The following RAB11FIP4 variants were observed in gnomAD, a reference collection of about 807,000 sequenced individuals.
The protein encoded by RAB11FIP4 is RAB11 family interacting protein 4, also known as rab11 family-interacting protein 4.
In RAB11FIP4, 23 loss-of-function variants were observed where a neutral mutation model predicts 74.3. That is an observed-to-expected ratio of 0.31 (90% CI 0.22 to 0.44). RAB11FIP4 has a LOEUF of 0.44. Among genes scored for constraint, RAB11FIP4 ranks in the 20% least tolerant of loss-of-function variants. The pLI is 1.00. For missense variants in RAB11FIP4, 630 were observed against 863.9 expected (o/e 0.73, Z 3.39); for synonymous variants, 360 against 359.9 (o/e 1.00, Z 0.00).
At chr17:31,424,298 G>A (rs1459318058) in intron 1 of RAB11FIP4, among the ~76,000 whole-genome samples, 3 of 152,270 alleles carry the variant, frequency 2.0e-5, no homozygotes, top group South Asian at 2.1e-4. Context: ...AGACTGTAGT[G>A]TGCTTACTCC....
intron 3 of RAB11FIP4, among the ~76,000 whole-genome samples, chr17:31,498,561 G>A (rs116091224): frequency 0.028 from 4,257 of 152,302 alleles, 179 homozygotes; most frequent in African/African-American, 0.098. Context: ...GGCGGGTCAC[G>A]TGGAGCCTTG....
At chr17:31,400,148 G>A (rs954876035) in intron 1 of RAB11FIP4, among the ~76,000 whole-genome samples, 1 of 152,138 alleles carries the variant, frequency 6.6e-6, no homozygotes, top group Non-Finnish European at 1.5e-5. Context: ...ACCTGGGCTC[G>A]CATTCTGATA....
chr17:31,499,158 C>T (rs1328290252), intron 3 of RAB11FIP4, among the ~76,000 whole-genome samples: 1 of 152,084 alleles, frequency 6.6e-6, no homozygotes, highest in African/African-American at 2.4e-5. Flanking sequence ...CTGGAGCTTC[C>T]GGTAGGCATT....
intron 3 of RAB11FIP4, among the ~76,000 whole-genome samples, chr17:31,511,582 G>T (rs2072453027): frequency 6.6e-6 from 1 of 152,366 alleles, no homozygotes; most frequent in Non-Finnish European, 1.5e-5. Flanking sequence ...TAGGGTCCTT[G>T]CTCTCACAGG....
chr17:31,448,190 C>T (rs2071487373), intron 3 of RAB11FIP4, among the ~76,000 whole-genome samples: 1 of 152,182 alleles, frequency 6.6e-6, no homozygotes, highest in Admixed American at 6.5e-5. Flanking sequence ...TGTCCATCTT[C>T]TGCTGTGGGG....
At chr17:31,404,199 C>T (rs2071022131) in intron 1 of RAB11FIP4, among the ~76,000 whole-genome samples, 1 of 152,236 alleles carries the variant, frequency 6.6e-6, no homozygotes, top group African/African-American at 2.4e-5. Flanking sequence ...GCCCCGCCAG[C>T]CCGTGGACCA....
At chr17:31,496,427 AATGAGGG>A (rs1567676675) in intron 3 of RAB11FIP4, among the ~76,000 whole-genome samples, 1 of 152,146 alleles carries the variant, frequency 6.6e-6, no homozygotes, top group Non-Finnish European at 1.5e-5. Flanking sequence ...TAAGAGGGAA[AATGAGGG>A]CTGGGAGTGG....
intron 3 of RAB11FIP4, among the ~76,000 whole-genome samples, chr17:31,439,830 G>T (rs1163315584): frequency 6.6e-6 from 1 of 152,068 alleles, no homozygotes; most frequent in Non-Finnish European, 1.5e-5. Flanking sequence ...TAGAGACAGG[G>T]TTTTGCATGT....
At chr17:31,506,736 A>T (rs114290776) in intron 3 of RAB11FIP4, among the ~76,000 whole-genome samples, 4,755 of 152,264 alleles carry the variant, frequency 0.031, 230 homozygotes, top group African/African-American at 0.11. Context: ...ATGGCTGAAT[A>T]CTATTCCATT....
intron 3 of RAB11FIP4, among the ~76,000 whole-genome samples, chr17:31,517,195 GGGGGGGGCGGT>G (rs2072570991): frequency 1.6e-5 from 1 of 62,064 alleles, no homozygotes; most frequent in Non-Finnish European, 3.1e-5. Flanking sequence ...GCGGTGCGGG[GGGGGGGGCGGT>G]GGGGGGGGCG....
chr17:31,425,307 G>A (rs776025145), intron 1 of RAB11FIP4, among the ~76,000 whole-genome samples: 2 of 152,254 alleles, frequency 1.3e-5, no homozygotes, highest in African/African-American at 2.4e-5. Flanking sequence ...AGTAATGGCT[G>A]ACGTTTATTA....
At chr17:31,397,209 A>T (rs989019510) in intron 1 of RAB11FIP4, among the ~76,000 whole-genome samples, 21 of 152,184 alleles carry the variant, frequency 1.4e-4, no homozygotes, top group African/African-American at 5.1e-4. Context: ...GTGAAGGGGA[A>T]GGTAGGGCCA....
At chr17:31,491,201 G>A (rs7209296) in intron 3 of RAB11FIP4, among the ~76,000 whole-genome samples, 24,197 of 152,238 alleles carry the variant, frequency 0.16, 2,097 homozygotes, top group South Asian at 0.29. Flanking sequence ...TCCCTCACCA[G>A]GAGGCGTTTC....
At chr17:31,510,447 C>G (rs2072431624) in intron 3 of RAB11FIP4, among the ~76,000 whole-genome samples, 1 of 152,250 alleles carries the variant, frequency 6.6e-6, no homozygotes, top group African/African-American at 2.4e-5. Flanking sequence ...TGTGCCCGCC[C>G]AAGCTATTTT....
At chr17:31,415,956 A>G (rs566178321) in intron 1 of RAB11FIP4, among the ~76,000 whole-genome samples, 7 of 152,210 alleles carry the variant, frequency 4.6e-5, no homozygotes, top group Admixed American at 3.9e-4. Context: ...TCCTTGACTC[A>G]TAGTCTGATC....
chr17:31,395,626 T>A (rs2070921987), intron 1 of RAB11FIP4, among the ~76,000 whole-genome samples: 1 of 152,162 alleles, frequency 6.6e-6, no homozygotes, highest in Non-Finnish European at 1.5e-5. Context: ...ACAAAATGCC[T>A]GATTAGGACC....
Position 31,434,049 on chromosome 17 carries a change from T to A in RAB11FIP4, c.263T>A (p.Leu88Gln). 1 of 1,585,584 alleles carries A rather than the reference T, an allele frequency of 6.3e-7. No individual in the cohort carries two copies. The highest frequency in any genetic ancestry group is 1.3e-5 in the African/African-American group (1 of 74,990). ...VFAMKGCEEL[L>Q]KDVLSVESAG... ...GTCTGCGCAGGGTGCGAGGAGCTGC[T>A]GAAGGATGTGCTGTCGGTGGAGAGC... The change falls in exon 3 of 15, where the codon CTG (leucine) becomes CAG (glutamine). Residue 88 changes from leucine (L) to glutamine (Q), a missense_variant. Leu to Gln is a moderately radical substitution (Grantham distance 113). Coordinates refer to ENST00000621161, the MANE Select transcript of RAB11FIP4 (RefSeq NM_032932.6).
intron 10 of RAB11FIP4, chr17:31,527,628 ACT>A (rs1405962753): frequency 9.6e-6 from 4 of 417,626 alleles, no homozygotes; most frequent in Non-Finnish European, 1.6e-5. Flanking sequence ...ATGATAATTT[ACT>A]ATTTTGCTTA....
intron 1 of RAB11FIP4, among the ~76,000 whole-genome samples, chr17:31,428,604 T>C (rs988195436): frequency 4.6e-5 from 7 of 152,058 alleles, no homozygotes; most frequent in African/African-American, 1.7e-4. Flanking sequence ...TGCACTATTG[T>C]GTATGTGTGG....
Sources: gnomAD v4.1 joint callset for allele counts (sites outside exome capture counted in the v4.1 genomes callset) on GRCh38, gnomAD v4.1.1 for gene constraint, MANE v1.5 for transcripts, NCBI Gene and HGNC (gene_info 2026-07-23, HGNC 2026-07-21) for gene names.